POLN: variants seen among roughly 807,000 people sequenced by gnomAD.
POLN encodes DNA polymerase N.
POLN carries 108 observed loss-of-function variants against 113.5 expected under a neutral mutation model. The ratio of observed to expected loss-of-function variants is 0.95; its 90% CI spans 0.81 to 1.12. The LOEUF (loss-of-function observed/expected upper bound fraction) is 1.12. POLN is among the 50% of genes most tolerant of loss of function. POLN has a pLI of 0.00. For missense variants in POLN, 1,097 were observed against 1,077.1 expected (o/e 1.02, Z -0.26); for synonymous variants, 386 against 391.5 (o/e 0.99, Z 0.17).
chr4:2,211,070 G>T (rs1193297346), intron 4 of POLN, among the ~76,000 whole-genome samples: 1 of 150,092 alleles, frequency 6.7e-6, no homozygotes, highest in East Asian at 1.9e-4. Context: ...GGCCAACATG[G>T]TGAAACCCCA....
At chr4:2,184,051 A>G (rs968818246) in intron 7 of POLN, among the ~76,000 whole-genome samples, 2 of 151,554 alleles carry the variant, frequency 1.3e-5, no homozygotes, top group Admixed American at 1.3e-4. Context: ...ATGGAGTTTC[A>G]CCATGTTGGC....
At chr4:2,111,839 C>T (rs889063675) in intron 19 of POLN, among the ~76,000 whole-genome samples, 97 of 152,270 alleles carry the variant, frequency 6.4e-4, no homozygotes, top group Non-Finnish European at 1.5e-4. Flanking sequence ...AGATTCAATG[C>T]CATCCCCATC....
intron 13 of POLN, among the ~76,000 whole-genome samples, chr4:2,167,330 C>T (rs1438400549): frequency 6.6e-6 from 1 of 152,128 alleles, no homozygotes; most frequent in Non-Finnish European, 1.5e-5. Context: ...GAACATGTGA[C>T]TTCACTGCAG....
intron 11 of POLN, among the ~76,000 whole-genome samples, chr4:2,173,668 T>C (rs188894341): frequency 1.3e-5 from 2 of 152,238 alleles, no homozygotes; most frequent in Admixed American, 6.5e-5. Flanking sequence ...ACCCAAGAAT[T>C]CCTTCACCAA....
chr4:2,128,199 A>G lies in POLN; in HGVS notation c.1896T>C (p.Leu632=). The change falls in exon 19 of 26, where the codon CTT becomes CTC. Residue 632 remains leucine, a synonymous_variant. Coordinates refer to ENST00000511885, the MANE Select transcript of POLN (RefSeq NM_181808.4). ...GTTCCGGATCTCCAGATAAATGTGT[A>G]AGAATGCGCAATTCAATCTGTGAAA... is the stretch of plus-strand genomic sequence containing the variant. The part of the protein sequence containing the change: ...ADFSQIELRI[L]THLSGDPELL... 2 of 1,610,426 alleles carry G rather than the reference A, an allele frequency of 1.2e-6. No homozygotes were observed. The highest frequency in any genetic ancestry group is 1.7e-6 in the Non-Finnish European group (2 of 1,176,880).
chr4:2,181,269 C>T (rs750734894), intron 7 of POLN, among the ~76,000 whole-genome samples: 4 of 152,056 alleles, frequency 2.6e-5, no homozygotes, highest in African/African-American at 7.2e-5. Flanking sequence ...CTCAGCCTCC[C>T]GAGTAGCTGG....
intron 14 of POLN, among the ~76,000 whole-genome samples, chr4:2,158,931 T>A (rs552339647): frequency 6.6e-6 from 1 of 152,290 alleles, no homozygotes; most frequent in African/African-American, 2.4e-5. Context: ...TCTTCTTCCA[T>A]TTTGACTCCT....
intron 16 of POLN, among the ~76,000 whole-genome samples, chr4:2,135,865 GGAA>G (rs938956391): frequency 3.9e-4 from 60 of 152,336 alleles, no homozygotes; most frequent in African/African-American, 1.2e-3. Context: ...AACCGTTCGT[GGAA>G]GAAGAATAGA....
chr4:2,121,048 CT>C (rs999881503), intron 19 of POLN, among the ~76,000 whole-genome samples: 3 of 152,204 alleles, frequency 2.0e-5, no homozygotes, highest in South Asian at 2.1e-4. Context: ...ATGTCATTTC[CT>C]TTTTTTATCT....
chr4:2,142,660 C>T (rs1732031729), intron 16 of POLN, among the ~76,000 whole-genome samples: 1 of 152,058 alleles, frequency 6.6e-6, no homozygotes, highest in South Asian at 2.1e-4. Context: ...TAACCACAGA[C>T]AAAAACAACA....
chr4:2,080,600 G>C, intron 23 of POLN: 1 of 1,211,620 alleles, frequency 8.3e-7, no homozygotes, highest in Middle Eastern at 3.6e-4. Context: ...AGGGGTGGGG[G>C]CAGTTTGGAG....
chr4:2,225,428 G>A (rs1226653861), intron 3 of POLN, among the ~76,000 whole-genome samples: 5 of 151,724 alleles, frequency 3.3e-5, no homozygotes, highest in South Asian at 2.1e-4. Context: ...GGTGGTGGGC[G>A]CCTGTAATAC....
At chr4:2,123,452 C>G (rs969810866) in intron 19 of POLN, among the ~76,000 whole-genome samples, 2 of 151,580 alleles carry the variant, frequency 1.3e-5, no homozygotes, top group Admixed American at 6.6e-5. Context: ...ATAGTGGAAC[C>G]CTCTCACTAC....
At position 2,091,800 on chromosome 4, in the gene POLN, T is replaced by TGTGC. The variant is rs577896956; in HGVS notation, c.2065+4050_2065+4051insGCAC. On this transcript the variant is annotated intron_variant, in intron 20 of 25. Transcript: ENST00000511885. ...GTGTGTGTGTGTGTGTGTGTGTGTG[T>TGTGC]GCGCGCGCTACAATTTGACGTTTAG... 5.6e-3 allele frequency among the ~76,000 whole-genome samples: 814 copies of TGTGC among 144,928 alleles called. 10 individuals carry two copies. Among genetic ancestry groups the TGTGC allele is most frequent in the African/African-American group, 0.019 (738 of 39,380 alleles).
intron 20 of POLN, 104 bp from the exon 21 acceptor site, chr4:2,085,848 A>T: frequency 6.8e-7 from 1 of 1,475,398 alleles, no homozygotes. Context: ...GTCTTTTCTG[A>T]TGGGTTGGGA....
chr4:2,159,127 C>T, intron 14 of POLN, 28 bp downstream of exon 14: 2 of 1,541,766 alleles, frequency 1.3e-6, no homozygotes, highest in East Asian at 4.5e-5. Context: ...TCACCTTTTA[C>T]CTTTTACGTA....
intron 9 of POLN, among the ~76,000 whole-genome samples, chr4:2,175,370 TTCTTCAC>T (rs1732970169): frequency 1.3e-5 from 2 of 152,200 alleles, no homozygotes; most frequent in South Asian, 4.1e-4. Flanking sequence ...ATCCTCAATT[TTCTTCAC>T]TCTTTTTCAT....
chr4:2,240,897 G>A, intron 2 of POLN: 1 of 1,601,252 alleles, frequency 6.2e-7, no homozygotes, highest in East Asian at 2.2e-5. Context: ...ATCAGCTTTG[G>A]GATAACCAAT....
At chr4:2,084,619 G>T (rs1730506401) in intron 21 of POLN, among the ~76,000 whole-genome samples, 1 of 152,262 alleles carries the variant, frequency 6.6e-6, no homozygotes, top group South Asian at 2.1e-4. Context: ...GCTGCCTGGA[G>T]CTCTCGGGGC....
Sources: gnomAD v4.1 joint callset for allele counts (sites outside exome capture counted in the v4.1 genomes callset) on GRCh38, gnomAD v4.1.1 for gene constraint, MANE v1.5 for transcripts, NCBI Gene and HGNC (gene_info 2026-07-23, HGNC 2026-07-21) for gene names.